ANKS1A: variants seen among roughly 807,000 people sequenced by gnomAD.
ANKS1A encodes ankyrin repeat and sterile alpha motif domain containing 1A.
In ANKS1A, 55 loss-of-function variants were observed where a neutral mutation model predicts 120.3. The ratio of observed to expected loss-of-function variants is 0.46; its 90% CI spans 0.37 to 0.57. The LOEUF (loss-of-function observed/expected upper bound fraction) is 0.57, where lower values mean the gene tolerates loss of function less well. Ranked by LOEUF, ANKS1A falls within the 20% of genes least tolerant of loss-of-function variation. The probability of loss-of-function intolerance (pLI) is 0.00; values close to 1 mark genes in which losing one functional copy is unlikely to be tolerated. For missense variants in ANKS1A, 1,123 were observed against 1,480.3 expected, an observed-to-expected ratio of 0.76 and a Z score of 3.96; for synonymous variants, 590 against 604.7, an observed-to-expected ratio of 0.98 and a Z score of 0.36.
At chr6:34,931,811 A>G (rs560745545) in intron 1 of ANKS1A, among the ~76,000 whole-genome samples, 1 of 152,302 alleles carries the variant, frequency 6.6e-6, no homozygotes, top group South Asian at 2.1e-4. Context: ...ATTAAATAAC[A>G]CCCGTTTCTG....
intron 11 of ANKS1A, 140 bp downstream of exon 11, chr6:35,018,199 C>T: frequency 2.4e-6 from 2 of 836,416 alleles, no homozygotes; most frequent in Non-Finnish European, 3.7e-6. Context: ...TAATGTATTT[C>T]TGACAATCGT....
intron 1 of ANKS1A, among the ~76,000 whole-genome samples, chr6:34,948,102 A>G (rs1419622825): frequency 6.6e-6 from 1 of 151,620 alleles, no homozygotes; most frequent in Non-Finnish European, 1.5e-5. Context: ...TTATATATGT[A>G]TACATGTGCC....
rs1448908680 is a variant in ANKS1A at position 34,898,554 on chromosome 6, C to G, written c.197+8955C>G. On this transcript the variant is annotated intron_variant, in intron 1 of 23. Transcript: ENST00000360359. ...AACTTATGAAAATATATTTTCAGAG[C>G]TTTTTGGATTTCTGAATTGTTGATA... Among the ~76,000 whole-genome samples, 9 of 152,244 alleles carry G rather than the reference C, an allele frequency of 5.9e-5. No homozygotes were observed. In the South Asian group the frequency reaches 1.0e-3, roughly 18 times the overall value.
chr6:35,034,033 A>G (rs1775036101), intron 11 of ANKS1A, among the ~76,000 whole-genome samples: 1 of 152,218 alleles, frequency 6.6e-6, no homozygotes, highest in African/African-American at 2.4e-5. Context: ...TCTATGTGGC[A>G]TTATGAGAAC....
In ANKS1A at chr6:35,089,801, T is replaced by G; in HGVS notation, c.*1192T>G. 2 of 1,026,254 alleles carry G rather than the reference T, an allele frequency of 1.9e-6. No homozygotes were observed. Among genetic ancestry groups the G allele is most frequent in the Non-Finnish European group, 2.3e-6 (2 of 855,364 alleles). 63.6% of individuals were successfully genotyped at this position (1,026,254 alleles called of 1,614,324 possible). A position where few individuals can be genotyped will look rare whatever the true frequency, so the allele number is the denominator to read the frequency against. On this transcript the variant is annotated 3_prime_UTR_variant, in exon 24 of 24. Coordinates refer to ENST00000360359, the MANE Select transcript of ANKS1A (RefSeq NM_015245.3). ...ACTAGAGTAGAAATGCAGGGGAAACTGCTGTGGATTTGAGAGGCAAAGTTG... is the reference window on the plus strand; with the variant it reads ...ACTAGAGTAGAAATGCAGGGGAAACGGCTGTGGATTTGAGAGGCAAAGTTG...
In ANKS1A at chr6:35,060,189, C is replaced by T. The variant is rs1412567042; in HGVS notation, c.2120C>T (p.Ser707Leu). ...CAGAGTGTCGGGGAGTGGCTGGAGTCGATTGGGCTGCAGCAGTATGAGAGC... is the reference window on the plus strand; with the variant it reads ...CAGAGTGTCGGGGAGTGGCTGGAGTTGATTGGGCTGCAGCAGTATGAGAGC... Reference protein sequence around the residue: ...LEQSVGEWLESIGLQQYESKL... With the variant: ...LEQSVGEWLELIGLQQYESKL... The change falls in exon 13 of 24, where the codon TCG becomes TTG. Residue 707 changes from serine (S) to leucine (L), a missense_variant. Ser to Leu is a moderately radical substitution (Grantham distance 145, BLOSUM62 -2). Coordinates refer to ENST00000360359, the MANE Select transcript of ANKS1A (RefSeq NM_015245.3). This position sits in a 1 kb window ranked among gnomAD's most constrained non-coding sequence, Gnocchi z 4.5. 1.9e-6 allele frequency: 3 copies of T among 1,612,392 alleles called. No homozygotes were observed. Among genetic ancestry groups the T allele is most frequent in the African/African-American group, 2.7e-5 (2 of 74,848 alleles).
At chr6:35,068,766 A>G (rs1327996209) in intron 13 of ANKS1A, among the ~76,000 whole-genome samples, 1 of 152,118 alleles carries the variant, frequency 6.6e-6, no homozygotes, top group Non-Finnish European at 1.5e-5. Context: ...GCAAGAGAGG[A>G]GAGTTCAGCC....
At chr6:34,994,660 C>T (rs1443126507) in intron 10 of ANKS1A, among the ~76,000 whole-genome samples, 1 of 152,158 alleles carries the variant, frequency 6.6e-6, no homozygotes, top group East Asian at 1.9e-4. Context: ...AAGGTTAGGT[C>T]AGACTAGGTG....
Position 34,982,171 on chromosome 6 carries a change from TA to T in ANKS1A, c.732+186del. Reference sequence around the variant, plus strand: ...AAATGAACTCCTCAAGCAAGTCTATTATTTTTTTGTTTCTTTTCAGGGGGTA... The same window carrying T: ...AAATGAACTCCTCAAGCAAGTCTATTTTTTTTTGTTTCTTTTCAGGGGGTA... On this transcript the variant is annotated intron_variant, in intron 4 of 23. Transcript: ENST00000360359. The surrounding 1 kb of genome is among the most constrained non-coding windows in gnomAD (Gnocchi z 4.9). Among the ~76,000 whole-genome samples the T allele has an allele frequency of 6.6e-6, 1 of 152,338 alleles. No homozygotes were observed.
intron 11 of ANKS1A, among the ~76,000 whole-genome samples, chr6:35,046,987 T>C (rs909024211): frequency 1.3e-5 from 2 of 152,222 alleles, no homozygotes; most frequent in Non-Finnish European, 2.9e-5. Flanking sequence ...TTCATATAAA[T>C]GGAATCACTG....
At chr6:35,017,407 A>C (rs1774078618) in intron 10 of ANKS1A, 66 bp from the exon 11 acceptor site, 26 of 1,511,906 alleles carry the variant, frequency 1.7e-5, no homozygotes, top group Non-Finnish European at 2.2e-5. Context: ...TGCTTGCTGC[A>C]TTGGAACTTT....
In ANKS1A at chr6:34,949,121, A is replaced by G. The variant is rs532669831; in HGVS notation, c.198-18118A>G. Among the ~76,000 whole-genome samples, 4 of 152,340 alleles carry G rather than the reference A, an allele frequency of 2.6e-5. No individual in the cohort carries two copies. The South Asian group carries it at 8.3e-4, about 32-fold the overall frequency. ...AAAGGAAACAAGCTTGTTGTAAACA[A>G]AGAAAATGTAGTATTGTAAATGCTT... On this transcript the variant is annotated intron_variant, in intron 1 of 23. Transcript: ENST00000360359.
intron 12 of ANKS1A, among the ~76,000 whole-genome samples, chr6:35,055,669 G>A (rs911694110): frequency 6.6e-6 from 1 of 152,098 alleles, no homozygotes; most frequent in Non-Finnish European, 1.5e-5. Context: ...TACTCATATC[G>A]AGAAACCTAG....
intron 11 of ANKS1A, 80 bp downstream of exon 11, chr6:35,018,139 C>G (rs1286655546): frequency 1.4e-6 from 2 of 1,414,262 alleles, no homozygotes; most frequent in Non-Finnish European, 1.9e-6. Context: ...AGTGCCAACT[C>G]TCAGGCCCAG....
intron 10 of ANKS1A, chr6:35,009,902 TAAAAAAAAAAA>T (rs530605297): frequency 2.5e-3 from 196 of 78,378 alleles, no homozygotes; most frequent in Non-Finnish European, 3.2e-3. Flanking sequence ...AGACTCTGTC[TAAAAAAAAAAA>T]AAAAAAAAAA....
intron 1 of ANKS1A, among the ~76,000 whole-genome samples, chr6:34,965,957 G>A (rs1770873281): frequency 6.6e-6 from 1 of 152,060 alleles, no homozygotes; most frequent in Admixed American, 6.6e-5. Flanking sequence ...TGAGCAGGCT[G>A]GTGTCAAACT....
At chr6:34,921,525 A>G (rs1430984873) in intron 1 of ANKS1A, among the ~76,000 whole-genome samples, 1 of 152,232 alleles carries the variant, frequency 6.6e-6, no homozygotes, top group African/African-American at 2.4e-5. Context: ...TTTAGAAAAC[A>G]ATAACTTGGA....
At chr6:35,056,718 T>TGAA (rs1776242420) in intron 12 of ANKS1A, among the ~76,000 whole-genome samples, 1 of 152,090 alleles carries the variant, frequency 6.6e-6, no homozygotes, top group African/African-American at 2.4e-5. Context: ...TCCTCTATAG[T>TGAA]CCAGCTTGGG....
At chr6:35,046,611 C>T (rs952085487) in intron 11 of ANKS1A, among the ~76,000 whole-genome samples, 2 of 152,150 alleles carry the variant, frequency 1.3e-5, no homozygotes, top group African/African-American at 4.8e-5. Context: ...TTTATTGCAT[C>T]TATCCATCTG....
Sources: allele counts gnomAD v4.1 joint callset (sites outside exome capture counted in the v4.1 genomes callset), GRCh38; gene constraint gnomAD v4.1.1; non-coding constraint Gnocchi (gnomAD v3.1); transcripts MANE v1.5; gene names NCBI Gene and HGNC (gene_info 2026-07-23, HGNC 2026-07-21).